PARN: variants seen among roughly 807,000 people sequenced by gnomAD.
PARN encodes the protein poly(A)-specific ribonuclease.
PARN carries 71 observed loss-of-function variants against 102.8 expected under a neutral mutation model. That is an observed-to-expected ratio of 0.69 (90% CI 0.57 to 0.84). PARN has a LOEUF of 0.84. PARN is among the 40% of genes least tolerant of loss of function. The probability of loss-of-function intolerance (pLI) is 0.00; values close to 1 mark genes in which losing one functional copy is unlikely to be tolerated. For synonymous variants in PARN, 261 were observed against 252.9 expected (o/e 1.03, Z -0.30); for missense variants, 782 against 760.9 (o/e 1.03, Z -0.33).
chr16:14,579,474 G>A (rs1969369590), intron 18 of PARN, among the ~76,000 whole-genome samples: 1 of 152,112 alleles, frequency 6.6e-6, no homozygotes, highest in African/African-American at 2.4e-5. Flanking sequence ...AGAGACTGAG[G>A]TGGAAGGGTC....
chr16:14,603,189 T>C (rs1239661175), intron 11 of PARN, among the ~76,000 whole-genome samples: 1 of 152,144 alleles, frequency 6.6e-6, no homozygotes, highest in Non-Finnish European at 1.5e-5. Flanking sequence ...CCTCCTAAAG[T>C]AGTGCTGCGA....
chr16:14,443,403 T>A (rs1961038157), intron 23 of PARN, among the ~76,000 whole-genome samples: 1 of 151,372 alleles, frequency 6.6e-6, no homozygotes. Flanking sequence ...TGCAATGGCA[T>A]GATCTCAGCT....
chr16:14,512,836 G>C (rs2151639792), intron 21 of PARN, among the ~76,000 whole-genome samples: 1 of 152,222 alleles, frequency 6.6e-6, no homozygotes, highest in Admixed American at 6.5e-5. Context: ...CACTCTTCTT[G>C]CACATTTTTA....
intron 18 of PARN, 133 bp from the exon 19 acceptor site, chr16:14,555,842 A>C (rs892648464): frequency 2.1e-6 from 1 of 482,072 alleles, no homozygotes; most frequent in African/African-American, 2.0e-5. Context: ...GATCCTTGAT[A>C]TCACTCTATT....
chr16:14,481,007 G>A (rs1008053771), intron 22 of PARN, among the ~76,000 whole-genome samples: 3 of 152,042 alleles, frequency 2.0e-5, no homozygotes, highest in African/African-American at 7.2e-5. Context: ...ATGCTGACAA[G>A]GATGTGGAGC....
At chr16:14,474,527 CTG>C (rs1462327069) in intron 22 of PARN, among the ~76,000 whole-genome samples, 1 of 152,178 alleles carries the variant, frequency 6.6e-6, no homozygotes, top group African/African-American at 2.4e-5. Flanking sequence ...GCCCTACACA[CTG>C]TGCACAATAT....
At chr16:14,478,961 T>C (rs1963226409) in intron 22 of PARN, among the ~76,000 whole-genome samples, 1 of 152,158 alleles carries the variant, frequency 6.6e-6, no homozygotes, top group African/African-American at 2.4e-5. Flanking sequence ...ATATTTTAAG[T>C]AGAGACAGTG....
intron 22 of PARN, among the ~76,000 whole-genome samples, chr16:14,450,441 AT>A (rs1356512146): frequency 1.3e-5 from 2 of 152,212 alleles, no homozygotes; most frequent in Non-Finnish European, 2.9e-5. Flanking sequence ...CCCTCTGAGG[AT>A]AGACTGAAAT....
At chr16:14,605,531 T>TA (rs377128812) in intron 10 of PARN, among the ~76,000 whole-genome samples, 1 of 152,220 alleles carries the variant, frequency 6.6e-6, no homozygotes, top group East Asian at 1.9e-4. Context: ...CTTACATATA[T>TA]ATGTTGTATT....
intron 22 of PARN, among the ~76,000 whole-genome samples, chr16:14,477,284 G>A (rs989246203): frequency 2.0e-5 from 3 of 150,954 alleles, no homozygotes; most frequent in African/African-American, 4.9e-5. Flanking sequence ...TACTAAAAAT[G>A]CAAAAATTTA....
At chr16:14,449,552 T>C (rs1961359067) in intron 22 of PARN, among the ~76,000 whole-genome samples, 1 of 152,162 alleles carries the variant, frequency 6.6e-6, no homozygotes, top group Non-Finnish European at 1.5e-5. Context: ...ATAAATAACG[T>C]GAGCCAAGAC....
chr16:14,489,337 C>T (rs1474456586), intron 21 of PARN, among the ~76,000 whole-genome samples: 2 of 148,064 alleles, frequency 1.4e-5, no homozygotes, highest in Admixed American at 6.9e-5. Flanking sequence ...CCCAGCTACT[C>T]GGGAGGCTGA....
intron 13 of PARN, among the ~76,000 whole-genome samples, chr16:14,587,269 G>C (rs1020558140): frequency 6.6e-6 from 1 of 152,162 alleles, no homozygotes; most frequent in Non-Finnish European, 1.5e-5. Flanking sequence ...ATGCAATAAT[G>C]ATGTTTGTAA....
At chr16:14,618,256 G>A (rs1482248356) in intron 5 of PARN, among the ~76,000 whole-genome samples, 1 of 152,128 alleles carries the variant, frequency 6.6e-6, no homozygotes, top group African/African-American at 2.4e-5. Flanking sequence ...GGGAGGCCAA[G>A]GCGGGTAGAT....
chr16:14,444,728 C>T (rs1961117347), intron 23 of PARN, among the ~76,000 whole-genome samples: 1 of 152,200 alleles, frequency 6.6e-6, no homozygotes, highest in Non-Finnish European at 1.5e-5. Context: ...ATTATTTTAA[C>T]ATTTGTTGAG....
At chr16:14,624,855 C>A (rs1972543805) in intron 5 of PARN, among the ~76,000 whole-genome samples, 1 of 152,100 alleles carries the variant, frequency 6.6e-6, no homozygotes, top group Non-Finnish European at 1.5e-5. Flanking sequence ...ATTTCAAGAC[C>A]AGCCTGACCA....
chr16:14,523,745 A>G (rs942379911), intron 21 of PARN, among the ~76,000 whole-genome samples: 1 of 152,190 alleles, frequency 6.6e-6, no homozygotes, highest in South Asian at 2.1e-4. Context: ...CCCAGAAATG[A>G]CAGAAGGATT....
intron 12 of PARN, among the ~76,000 whole-genome samples, chr16:14,594,741 G>T (rs934605883): frequency 6.6e-6 from 1 of 152,142 alleles, no homozygotes. Flanking sequence ...TACCACGATG[G>T]AGCTTTTACT....
At chr16:14,572,401 C>T (rs1183737483) in intron 18 of PARN, among the ~76,000 whole-genome samples, 1 of 151,880 alleles carries the variant, frequency 6.6e-6, no homozygotes, top group Admixed American at 6.6e-5. Flanking sequence ...TTTAATTCTT[C>T]AGTTTAAAAT....
Sources: allele counts gnomAD v4.1 joint callset (sites outside exome capture counted in the v4.1 genomes callset), GRCh38; gene constraint gnomAD v4.1.1; transcripts MANE v1.5; gene names NCBI Gene and HGNC (gene_info 2026-07-23, HGNC 2026-07-21).